STARD13: variants seen among roughly 807,000 people sequenced by gnomAD.
STARD13 encodes StAR related lipid transfer domain containing 13.
A neutral mutation model predicts 106.4 loss-of-function variants in STARD13; 62 were observed. The observed-to-expected ratio is 0.58, with a 90% CI of 0.48 to 0.72. The LOEUF (loss-of-function observed/expected upper bound fraction) is 0.72. Among genes scored for constraint, STARD13 ranks in the 30% least tolerant of loss-of-function variants. STARD13 has a pLI of 0.00. For synonymous variants in STARD13, 565 were observed against 553.0 expected (o/e 1.02, Z -0.31); for missense variants, 1,387 against 1,424.0 (o/e 0.97, Z 0.42).
chr13:33,526,399 G>A, the STARD13 span, among the ~76,000 whole-genome samples: 30 of 152,124 alleles, frequency 2.0e-4, no homozygotes, highest in East Asian at 5.2e-3. Context: ...GTAATATGTA[G>A]CTGAGCACTT....
At chr13:33,604,149 T>C in the STARD13 span, among the ~76,000 whole-genome samples, 2 of 152,124 alleles carry the variant, frequency 1.3e-5, no homozygotes, top group African/African-American at 4.8e-5. Context: ...GCAAAATAGT[T>C]CTGAGGATAT....
At chr13:33,409,086 T>C in the STARD13 span, among the ~76,000 whole-genome samples, 1 of 152,022 alleles carries the variant, frequency 6.6e-6, no homozygotes, top group East Asian at 1.9e-4. Flanking sequence ...TATCACCTAG[T>C]TTCCCCACTA....
At chr13:33,281,473 G>A (rs985197398) in intron 1 of STARD13, 2 of 150,962 alleles carry the variant, frequency 1.3e-5, no homozygotes, top group African/African-American at 4.9e-5. Flanking sequence ...CATCCATCAT[G>A]TTGCACTAAA....
At chr13:33,201,311 C>T (rs1397031950) in intron 1 of STARD13, among the ~76,000 whole-genome samples, 1 of 152,146 alleles carries the variant, frequency 6.6e-6, no homozygotes, top group East Asian at 1.9e-4. Flanking sequence ...TGATGTATCT[C>T]AGTGGCATGG....
the STARD13 span, among the ~76,000 whole-genome samples, chr13:33,404,529 G>A: frequency 6.6e-6 from 1 of 152,296 alleles, no homozygotes; most frequent in East Asian, 1.9e-4. Context: ...GTTCCAGAGA[G>A]TGAATCTAAG....
chr13:33,584,759 T>C, the STARD13 span, among the ~76,000 whole-genome samples: 1 of 151,972 alleles, frequency 6.6e-6, no homozygotes, highest in Non-Finnish European at 1.5e-5. Context: ...ACATTTGCGA[T>C]TGGATCATGG....
the STARD13 span, among the ~76,000 whole-genome samples, chr13:33,475,785 G>A: frequency 2.0e-5 from 3 of 151,900 alleles, no homozygotes; most frequent in Admixed American, 6.6e-5. Flanking sequence ...GTGAAACCCC[G>A]TTTCTACTAA....
the STARD13 span, among the ~76,000 whole-genome samples, chr13:33,622,614 C>CAAAAAAA: frequency 0.012 from 345 of 28,174 alleles, 58 homozygotes; most frequent in Non-Finnish European, 0.016. Context: ...GACTCCGTCT[C>CAAAAAAA]AAAAAAAAAA....
At chr13:33,173,351 A>G (rs935855461) in intron 1 of STARD13, among the ~76,000 whole-genome samples, 4 of 152,220 alleles carry the variant, frequency 2.6e-5, no homozygotes, top group Admixed American at 6.5e-5. Flanking sequence ...GTTAAAATCA[A>G]TGCCAGGGTA....
At chr13:33,314,544 C>T (rs1893258263) in intron 1 of STARD13, among the ~76,000 whole-genome samples, 1 of 152,174 alleles carries the variant, frequency 6.6e-6, no homozygotes, top group African/African-American at 2.4e-5. Flanking sequence ...GATTAAATAC[C>T]ATATTCTAGG....
At chr13:33,333,807 C>G (rs1317431048) in intron 1 of STARD13, 1 of 152,164 alleles carries the variant, frequency 6.6e-6, no homozygotes, top group Non-Finnish European at 1.5e-5. Flanking sequence ...AGTTGGTACT[C>G]TAGAGACTAA....
chr13:33,446,407 C>T, the STARD13 span, among the ~76,000 whole-genome samples: 5 of 151,228 alleles, frequency 3.3e-5, no homozygotes, highest in South Asian at 2.1e-4. Context: ...CATATGACTA[C>T]GTGATGAAAG....
the STARD13 span, among the ~76,000 whole-genome samples, chr13:33,665,627 A>G: frequency 2.0e-5 from 3 of 152,234 alleles, no homozygotes; most frequent in African/African-American, 7.2e-5. Flanking sequence ...AGGAATTACT[A>G]TCAAGGATAA....
chr13:33,669,197 T>TA, the STARD13 span, among the ~76,000 whole-genome samples: 2 of 152,182 alleles, frequency 1.3e-5, no homozygotes, highest in African/African-American at 2.4e-5. Flanking sequence ...CTTCAGCCTA[T>TA]AATCCGCAGA....
chr13:33,549,621 A>G, the STARD13 span, among the ~76,000 whole-genome samples: 2,082 of 152,328 alleles, frequency 0.014, 36 homozygotes, highest in African/African-American at 0.048. Context: ...CACTATTATC[A>G]TAATCACCTT....
intron 7 of STARD13, among the ~76,000 whole-genome samples, chr13:33,120,929 C>T (rs184064056): frequency 1.3e-5 from 2 of 152,268 alleles, no homozygotes; most frequent in Admixed American, 6.5e-5. Flanking sequence ...TTAGTAGAGA[C>T]AGGATTTCGC....
rs771045790 is a variant in STARD13 at position 33,118,251 on chromosome 13, G to A, written c.2095C>T (p.Arg699Cys). 5.6e-6 allele frequency: 9 copies of A among 1,613,982 alleles called. No individual in the cohort carries two copies. Among genetic ancestry groups the A allele is most frequent in the Admixed American group, 1.7e-5 (1 of 59,994 alleles). ...ATTCGAGACTTCACTCCTGATTTGC[G>A]AAAAAGACCCACCTGAAACAAAGCC... ...SNCLDQVGLF[R>C]KSGVKSRIHA... The change falls in exon 8 of 14, where the codon CGC becomes TGC. Residue 699 changes from arginine (R) to cysteine (C), a missense_variant. By Grantham distance (180) the Arg-to-Cys change is radical. Transcript: ENST00000336934.
At chr13:33,200,745 G>A (rs1274352391) in intron 1 of STARD13, among the ~76,000 whole-genome samples, 1 of 152,222 alleles carries the variant, frequency 6.6e-6, no homozygotes, top group African/African-American at 2.4e-5. Context: ...TAAAGGGCCG[G>A]GCATGGTGGC....
the STARD13 span, among the ~76,000 whole-genome samples, chr13:33,361,594 G>T: frequency 3.3e-5 from 5 of 152,166 alleles, no homozygotes; most frequent in Admixed American, 1.3e-4. Context: ...AGGTTTAATT[G>T]ACTCACAGTT....
Sources: allele counts gnomAD v4.1 joint callset (sites outside exome capture counted in the v4.1 genomes callset), GRCh38; gene constraint gnomAD v4.1.1; transcripts MANE v1.5; gene names NCBI Gene and HGNC (gene_info 2026-07-23, HGNC 2026-07-21).